Variants in PYGB observed in about 807,000 individuals in gnomAD.
PYGB encodes the protein glycogen phosphorylase B.
A neutral mutation model predicts 94.3 loss-of-function variants in PYGB; 82 were observed. That is an observed-to-expected ratio of 0.87 (90% CI 0.73 to 1.04). PYGB has a LOEUF of 1.04. PYGB is among the 50% of genes least tolerant of loss of function. The pLI is 0.00. For missense variants in PYGB, 1,132 were observed against 1,158.2 expected, an observed-to-expected ratio of 0.98 and a Z score of 0.33; for synonymous variants, 488 against 479.1, an observed-to-expected ratio of 1.02 and a Z score of -0.24.
intron 15 of PYGB, among the ~76,000 whole-genome samples, chr20:25,288,956 A>C (rs983142072): frequency 2.8e-4 from 42 of 152,332 alleles, no homozygotes; most frequent in African/African-American, 1.0e-3. Flanking sequence ...ACCTCCTGCC[A>C]TGTTTCCCTA....
chr20:25,282,175 T>C (rs762502437), intron 12 of PYGB, 28 bp downstream of exon 12: 6 of 1,555,508 alleles, frequency 3.9e-6, no homozygotes, highest in East Asian at 2.2e-5. Flanking sequence ...CCCGTGCCTG[T>C]GGAGATGCCT....
intron 9 of PYGB, among the ~76,000 whole-genome samples, chr20:25,279,593 C>T (rs1334657423): frequency 1.3e-5 from 2 of 152,052 alleles, no homozygotes; most frequent in Admixed American, 1.3e-4. Context: ...AATGTGGTGA[C>T]TCACACCCGT....
chr20:25,288,264 C>T, intron 14 of PYGB, 161 bp from the exon 15 acceptor site: 1 of 811,746 alleles, frequency 1.2e-6, no homozygotes, highest in Non-Finnish European at 2.1e-6. Context: ...AGGTGGGTGG[C>T]CAGTGGCCCT....
At chr20:25,279,684 A>G (rs1472412111) in intron 9 of PYGB, among the ~76,000 whole-genome samples, 1 of 151,634 alleles carries the variant, frequency 6.6e-6, no homozygotes, top group African/African-American at 2.4e-5. Context: ...ATACAGCAAG[A>G]CCCCACCTCT....
In PYGB at chr20:25,274,610, T is replaced by G. The variant is rs2088294217; in HGVS notation, c.547T>G (p.Trp183Gly). 6.2e-7 allele frequency: 1 copy of G among 1,613,672 alleles called. No homozygotes were observed. Among genetic ancestry groups the G allele is most frequent in the Non-Finnish European group, 8.5e-7 (1 of 1,179,912 alleles). Residue 183 changes from tryptophan (W) to glycine (G), a missense_variant, in exon 5 of 20, where the codon TGG (tryptophan) becomes GGG (glycine). Transcript: ENST00000216962. ...NGWQVEEADD[W>G]LRYGNPWEKA... ...TTTCCAGGTAGAGGAGGCCGATGAC[T>G]GGCTGCGCTACGGCAACCCCTGGGA...
intron 4 of PYGB, among the ~76,000 whole-genome samples, chr20:25,272,506 A>C (rs562188542): frequency 6.6e-6 from 1 of 152,384 alleles, no homozygotes; most frequent in South Asian, 2.1e-4. Context: ...GCTTGCTTTA[A>C]ATGCACCCCA....
At chr20:25,283,843 C>T (rs2088392066) in intron 13 of PYGB, among the ~76,000 whole-genome samples, 1 of 152,130 alleles carries the variant, frequency 6.6e-6, no homozygotes, top group African/African-American at 2.4e-5. Context: ...TCTGCAGTGT[C>T]TTCTGCTTGG....
At chr20:25,296,017 G>T (rs774798492) in intron 19 of PYGB, among the ~76,000 whole-genome samples, 5 of 152,206 alleles carry the variant, frequency 3.3e-5, no homozygotes, top group African/African-American at 7.2e-5. Flanking sequence ...CAGCTGTGAG[G>T]CTCCCTGGTG....
chr20:25,279,953 G>C (rs944076342), intron 9 of PYGB, among the ~76,000 whole-genome samples: 1 of 152,224 alleles, frequency 6.6e-6, no homozygotes, highest in Admixed American at 6.5e-5. Flanking sequence ...TCAATGGTCT[G>C]TCCGTTTACC....
Position 25,292,569 on chromosome 20 carries a change from C to T in PYGB, c.2133C>T (p.Ile711=), listed in dbSNP as rs1370506081. ...AEEAGAENLF[I]FGLRVEDVEA... ...AGGCCGGGGCCGAGAACCTCTTCAT[C>T]TTCGGCCTGCGGGTGGAGGATGTCG... The change falls in exon 17 of 20, where the codon ATC becomes ATT. Residue 711 remains isoleucine (I), a synonymous_variant. Transcript: ENST00000216962. 1 of 1,613,136 alleles carries T rather than the reference C, an allele frequency of 6.2e-7. No individual in the cohort carries two copies. The highest frequency in any genetic ancestry group is 1.7e-5 in the Admixed American group (1 of 60,026).
At chr20:25,262,975 A>G (rs1398700654) in intron 2 of PYGB, among the ~76,000 whole-genome samples, 2 of 152,210 alleles carry the variant, frequency 1.3e-5, no homozygotes, top group Non-Finnish European at 2.9e-5. Context: ...GCAAGTCCTT[A>G]GAGACCTACA....
intron 2 of PYGB, among the ~76,000 whole-genome samples, chr20:25,259,873 C>A (rs1373937906): frequency 2.0e-5 from 3 of 152,236 alleles, no homozygotes; most frequent in Non-Finnish European, 2.9e-5. Flanking sequence ...AGCAGAGCAG[C>A]CATTGGCTTT....
intron 1 of PYGB, among the ~76,000 whole-genome samples, chr20:25,255,667 G>A (rs374274890): frequency 2.1e-4 from 28 of 134,426 alleles, no homozygotes; most frequent in South Asian, 1.9e-3. Context: ...GGACAGGAGG[G>A]GACCGGTTTC....
At chr20:25,271,572 T>A in intron 4 of PYGB, 86 bp downstream of exon 4, 1 of 1,425,690 alleles carries the variant, frequency 7.0e-7, no homozygotes, top group Non-Finnish European at 9.9e-7. Context: ...TTTTTATACT[T>A]CCCACGCCCC....
At chr20:25,279,458 G>A (rs891183014) in intron 9 of PYGB, among the ~76,000 whole-genome samples, 1 of 152,268 alleles carries the variant, frequency 6.6e-6, no homozygotes, top group East Asian at 1.9e-4. Context: ...GTGTTTAGAG[G>A]TCTGTGCTCT....
At chr20:25,262,083 A>T (rs1362190452) in intron 2 of PYGB, among the ~76,000 whole-genome samples, 1 of 152,238 alleles carries the variant, frequency 6.6e-6, no homozygotes, top group African/African-American at 2.4e-5. Context: ...GAACTTCCCC[A>T]ACCTAGCAAG....
Position 25,282,259 on chromosome 20 carries a change from G to A in PYGB, c.1518+112G>A, listed in dbSNP as rs375427984. The A allele has an allele frequency of 2.6e-4, 221 of 839,100 alleles. 1 individual carries two copies. The East Asian group carries it at 3.8e-3, about 14-fold the overall frequency. 52.0% of individuals were successfully genotyped at this position (839,100 alleles called of 1,614,324 possible). A position where few individuals can be genotyped will look rare whatever the true frequency, so the allele number is the denominator to read the frequency against. On this transcript the variant is annotated intron_variant, in intron 12 of 19. Coordinates refer to ENST00000216962, the MANE Select transcript of PYGB (RefSeq NM_002862.4). ...GAGTAGGCAGGAGTCTGTCCCTCAC[G>A]TGTTGACCTGCAGGCTTCTGGACAT...
At position 25,268,161 on chromosome 20, in the gene PYGB, G is replaced by GCCCC. The variant is rs11471520; in HGVS notation, c.346-961_346-958dup. On this transcript the variant is annotated intron_variant, in intron 2 of 19. Transcript: ENST00000216962. ...CATTATTGAGTAAATCCTAGCACCC[G>GCCCC]CCCCCCCCCCATATCCAAAATATTG... Among the ~76,000 whole-genome samples the GCCCC allele has an allele frequency of 2.3e-3, 144 of 62,012 alleles. 1 individual carries two copies. Among genetic ancestry groups the GCCCC allele is most frequent in the African/African-American group, 6.7e-3 (106 of 15,712 alleles). The allele number at this position is 62,012 out of a possible 152,430, so 40.7% of individuals were successfully genotyped here. A position where few individuals can be genotyped will look rare whatever the true frequency, so the allele number is the denominator to read the frequency against.
At chr20:25,264,712 CTTACAAGGGATG>C (rs2092920930) in intron 2 of PYGB, among the ~76,000 whole-genome samples, 1 of 152,168 alleles carries the variant, frequency 6.6e-6, no homozygotes, top group Non-Finnish European at 1.5e-5. Flanking sequence ...AGGAATCCAA[CTTACAAGGGATG>C]TGAAGGACCT....
Sources: gnomAD v4.1 joint callset for allele counts (sites outside exome capture counted in the v4.1 genomes callset) on GRCh38, gnomAD v4.1.1 for gene constraint, MANE v1.5 for transcripts, NCBI Gene and HGNC (gene_info 2026-07-23, HGNC 2026-07-21) for gene names.